Variants in TNKS2 observed in about 807,000 individuals in gnomAD.
The protein encoded by TNKS2 is poly [ADP-ribose] polymerase tankyrase-2.
Under a neutral mutation model 137.6 loss-of-function variants are expected in TNKS2, and 72 were observed. The ratio of observed to expected loss-of-function variants is 0.52; its 90% CI spans 0.43 to 0.64. The LOEUF (loss-of-function observed/expected upper bound fraction) is 0.64, where lower values mean the gene tolerates loss of function less well. Ranked by LOEUF, TNKS2 falls within the 30% of genes least tolerant of loss-of-function variation. The probability of loss-of-function intolerance (pLI) is 0.00; values close to 1 mark genes in which losing one functional copy is unlikely to be tolerated. For synonymous variants in TNKS2, 516 were observed against 512.1 expected (o/e 1.01, Z -0.10); for missense variants, 1,049 against 1,410.2 (o/e 0.74, Z 4.10).
chr10:91,818,369 A>G (rs1844778086), intron 3 of TNKS2, among the ~76,000 whole-genome samples: 1 of 151,946 alleles, frequency 6.6e-6, no homozygotes, highest in Non-Finnish European at 1.5e-5. Context: ...ATATATTTAA[A>G]GTAGCATTAA....
At chr10:91,833,237 CATAAA>C in intron 11 of TNKS2, among the ~76,000 whole-genome samples, 1 of 152,178 alleles carries the variant, frequency 6.6e-6, no homozygotes, top group Non-Finnish European at 1.5e-5. Context: ...TTTTTTCTGA[CATAAA>C]AGTGCGTTCT....
intron 2 of TNKS2, among the ~76,000 whole-genome samples, chr10:91,815,273 T>C (rs1332981382): frequency 2.0e-5 from 3 of 152,182 alleles, no homozygotes; most frequent in Admixed American, 6.5e-5. Flanking sequence ...AATCACTATT[T>C]ATGTCAACTT....
In TNKS2 at chr10:91,865,295, A is replaced by G. The variant is rs923895794; in HGVS notation, c.*2296A>G. ...ACTTGTTTTTCTGGGTAGCATGGTA[A>G]TTACTGGAATAGTATAAATGTGTTG... On this transcript the variant is annotated 3_prime_UTR_variant, in exon 27 of 27. Transcript: ENST00000371627. 6.6e-6 allele frequency: 1 copy of G among 152,602 alleles called. No homozygotes were observed. Among genetic ancestry groups the G allele is most frequent in the African/African-American group, 2.4e-5 (1 of 41,440 alleles). The allele number at this position is 152,602 out of a possible 1,614,324, so 9.5% of individuals were successfully genotyped here. A position where few individuals can be genotyped will look rare whatever the true frequency, so the allele number is the denominator to read the frequency against.
In TNKS2 at chr10:91,798,785, G is replaced by T; in HGVS notation, c.95G>T (p.Cys32Phe). Reference protein sequence around the residue: ...EPAARELFEACRNGDVERVKR... With the variant: ...EPAARELFEAFRNGDVERVKR... ...GCCGCCCGAGAGCTGTTCGAGGCGT[G>T]CCGCAACGGGGACGTGGAACGAGTC... Residue 32 changes from cysteine (C) to phenylalanine (F), a missense_variant, in exon 1 of 27, where the codon TGC becomes TTC. Around this residue, in one of 6 missense-constraint regions of TNKS2, gnomAD observed 374 missense variants for 460.8 expected, o/e 0.81. Coordinates refer to ENST00000371627, the MANE Select transcript of TNKS2 (RefSeq NM_025235.4). 1 of 1,296,882 alleles carries T rather than the reference G, an allele frequency of 7.7e-7. No homozygotes were observed. Among genetic ancestry groups the T allele is most frequent in the Non-Finnish European group, 9.9e-7 (1 of 1,013,488 alleles). The allele number at this position is 1,296,882 out of a possible 1,614,324, so 80.3% of individuals were successfully genotyped here.
chr10:91,857,433 G>T lies in TNKS2; in HGVS notation c.2997G>T (p.Lys999Asn). Residue 999 changes from lysine (K) to asparagine (N), a missense_variant, in exon 24 of 27, where the codon AAG becomes AAT. Transcript: ENST00000371627. ...TGGTTTATTTTTTATAGATTCAGAA[G>T]GTTTGTAACAAGAAACTATGGGAAA... ...FNRYNILKIQ[K>N]VCNKKLWERY... The T allele has an allele frequency of 6.2e-7, 1 of 1,601,600 alleles. No homozygotes were observed.
Position 91,813,041 on chromosome 10 carries a change from A to C in TNKS2, c.258A>C (p.Ala86=), listed in dbSNP as rs1261167648. The C allele has an allele frequency of 1.9e-6, 3 of 1,614,082 alleles. No individual in the cohort carries two copies. Among genetic ancestry groups the C allele is most frequent in the Non-Finnish European group, 2.5e-6 (3 of 1,180,036 alleles). ...TTCAGAATGGTGCAAATGTCCAAGCACGTGATGATGGGGGCCTTATTCCTC... is the reference window on the plus strand; with the variant it reads ...TTCAGAATGGTGCAAATGTCCAAGCCCGTGATGATGGGGGCCTTATTCCTC... ...YLLQNGANVQ[A]RDDGGLIPLH... The change falls in exon 2 of 27, where the codon GCA becomes GCC. Residue 86 remains alanine (A), a synonymous_variant. Coordinates refer to ENST00000371627, the MANE Select transcript of TNKS2 (RefSeq NM_025235.4).
intron 1 of TNKS2, among the ~76,000 whole-genome samples, chr10:91,810,779 A>G (rs566454417): frequency 6.6e-6 from 1 of 151,348 alleles, no homozygotes; most frequent in Non-Finnish European, 1.5e-5. Flanking sequence ...AAGTGCTGGG[A>G]TTACAGGCAT....
chr10:91,826,399 A>T (rs1304701382), intron 7 of TNKS2, among the ~76,000 whole-genome samples: 1 of 152,230 alleles, frequency 6.6e-6, no homozygotes, highest in African/African-American at 2.4e-5. Context: ...GCAAATTATG[A>T]TATATGTATA....
At chr10:91,852,262 AG>A (rs1407138964) in intron 21 of TNKS2, among the ~76,000 whole-genome samples, 1 of 149,432 alleles carries the variant, frequency 6.7e-6, no homozygotes, top group African/African-American at 2.5e-5. Flanking sequence ...AAAAATAAAA[AG>A]GTTAATTGTT....
Position 91,863,049 on chromosome 10 carries a change from G to A in TNKS2, c.*50G>A, listed in dbSNP as rs772616026. 97 of 1,367,304 alleles carry A rather than the reference G, an allele frequency of 7.1e-5. No individual in the cohort carries two copies. Among genetic ancestry groups the A allele is most frequent in the Non-Finnish European group, 3.1e-5 (30 of 965,604 alleles). 84.7% of individuals were successfully genotyped at this position (1,367,304 alleles called of 1,614,324 possible). A position where few individuals can be genotyped will look rare whatever the true frequency, so the allele number is the denominator to read the frequency against. On this transcript the variant is annotated 3_prime_UTR_variant, in exon 27 of 27. Transcript: ENST00000371627. ...CACTGAACCTAAAATCATCAAAGCA[G>A]CAGTGGCCTCTACGTTTTACTCCTT...
chr10:91,822,326 T>C lies in TNKS2; in HGVS notation c.759T>C (p.Ser253=), dbSNP rs754768198. ...TGGTACCATTACACAATGCCTGTTC[T>C]TATGGTCATTATGAAGTAACTGAAC... ...GDLVPLHNAC[S]YGHYEVTELL... Residue 253 remains serine (S), a synonymous_variant, in exon 7 of 27, where the codon TCT becomes TCC. Coordinates refer to ENST00000371627, the MANE Select transcript of TNKS2 (RefSeq NM_025235.4). The C allele has an allele frequency of 5.0e-6, 8 of 1,613,530 alleles. No individual in the cohort carries two copies. In the East Asian group the frequency reaches 1.6e-4, roughly 32 times the overall value.
intron 8 of TNKS2, 65 bp downstream of exon 8, chr10:91,827,268 C>T (rs1320808407): frequency 9.6e-5 from 121 of 1,256,182 alleles, no homozygotes; most frequent in Non-Finnish European, 1.2e-4. Context: ...TTTTTTCTTT[C>T]CTGTTTGTTT....
At chr10:91,807,769 C>T (rs1424397095) in intron 1 of TNKS2, among the ~76,000 whole-genome samples, 5 of 151,988 alleles carry the variant, frequency 3.3e-5, no homozygotes, top group Non-Finnish European at 5.9e-5. Context: ...CCGAGGCGAG[C>T]GGCTCACGAG....
At chr10:91,844,544 C>T (rs1842307377) in intron 16 of TNKS2, among the ~76,000 whole-genome samples, 1 of 152,006 alleles carries the variant, frequency 6.6e-6, no homozygotes, top group Non-Finnish European at 1.5e-5. Context: ...GACCCATGTA[C>T]CTGAGTTCAA....
chr10:91,831,087 A>AT lies in TNKS2; in HGVS notation c.1197-10dup, dbSNP rs781373890. On this transcript the variant is annotated splice_polypyrimidine_tract_variant and intron_variant, in intron 10 of 26. Transcript: ENST00000371627. ...GGAAAATATATTCACTGTCTGGCTG[A>AT]TTTTTTCTCTCTAAGATTCTTGACT... is the stretch of plus-strand genomic sequence containing the variant. 14 of 1,613,698 alleles carry AT rather than the reference A, an allele frequency of 8.7e-6. No homozygotes were observed. The highest frequency in any genetic ancestry group is 6.6e-5 in the South Asian group (6 of 91,060).
intron 21 of TNKS2, among the ~76,000 whole-genome samples, chr10:91,851,625 T>C (rs1056705377): frequency 3.3e-5 from 5 of 152,210 alleles, no homozygotes; most frequent in African/African-American, 1.2e-4. Context: ...TTTTCTGAAG[T>C]TATTCTAGCT....
At position 91,833,985 on chromosome 10, in the gene TNKS2, T is replaced by G. The variant is rs1841909368; in HGVS notation, c.1408T>G (p.Leu470Val). The change falls in exon 12 of 27, where the codon TTA becomes GTA. Residue 470 changes from leucine to valine, a missense_variant. By Grantham distance (32) the Leu-to-Val change is conservative. Around this residue, in one of 6 missense-constraint regions of TNKS2, gnomAD observed 328 missense variants for 436.0 expected, o/e 0.75. Coordinates refer to ENST00000371627, the MANE Select transcript of TNKS2 (RefSeq NM_025235.4). ...NIISLQGFTA[L>V]QMGNENVQQL... is the part of the protein sequence containing the mutation. ...TATATCCCTTCAGGGCTTTACTGCT[T>G]TACAGATGGGAAATGAAAATGTACA... 1 of 1,608,460 alleles carries G rather than the reference T, an allele frequency of 6.2e-7. No individual in the cohort carries two copies. Among genetic ancestry groups the G allele is most frequent in the Non-Finnish European group, 8.5e-7 (1 of 1,178,280 alleles).
chr10:91,860,062 T>A (rs767375938), intron 25 of TNKS2, among the ~76,000 whole-genome samples: 12 of 152,210 alleles, frequency 7.9e-5, no homozygotes, highest in Non-Finnish European at 1.6e-4. Flanking sequence ...TCCACTGTGA[T>A]ACGATCCTAA....
rs115906055 is a variant in TNKS2, at chr10:91,810,089, G to A, written c.200-2894G>A. On this transcript the variant is annotated intron_variant, in intron 1 of 26. Coordinates refer to ENST00000371627, the MANE Select transcript of TNKS2 (RefSeq NM_025235.4). ...TTATAATCTTAAATAAGATCTAATT[G>A]AAATCTGACTGGGCCCAGTGCGGTG... Among the ~76,000 whole-genome samples the A allele has an allele frequency of 4.5e-3, 681 of 152,144 alleles. 9 individuals are homozygous for A. The highest frequency in any genetic ancestry group is 0.016 in the African/African-American group (646 of 41,520).
Sources: allele counts gnomAD v4.1 joint callset (sites outside exome capture counted in the v4.1 genomes callset), GRCh38; gene constraint gnomAD v4.1.1; regional missense constraint gnomAD v4.1.1; transcripts MANE v1.5; gene names NCBI Gene and HGNC (gene_info 2026-07-23, HGNC 2026-07-21).